The following SLC24A2 variants were observed in gnomAD, a reference collection of about 807,000 sequenced individuals.
SLC24A2 encodes sodium/potassium/calcium exchanger 2.
In SLC24A2, 36 loss-of-function variants were observed where a neutral mutation model predicts 62.0. The observed-to-expected ratio is 0.58, with a 90% confidence interval of 0.44 to 0.77. The LOEUF (loss-of-function observed/expected upper bound fraction) is 0.77. SLC24A2 is among the 30% of genes least tolerant of loss of function. The pLI is 0.00. For synonymous variants in SLC24A2, 358 were observed against 294.0 expected (o/e 1.22, Z -2.23); for missense variants, 846 against 817.9 (o/e 1.03, Z -0.42).
intron 2 of SLC24A2, among the ~76,000 whole-genome samples, chr9:19,637,125 G>A (rs1199473223): frequency 6.6e-6 from 1 of 152,150 alleles, no homozygotes. Context: ...GACCCGTCTA[G>A]CCCATCCAGT....
chr9:19,631,847 T>C (rs1260033174), intron 2 of SLC24A2, among the ~76,000 whole-genome samples: 2 of 152,132 alleles, frequency 1.3e-5, no homozygotes, highest in African/African-American at 4.8e-5. Flanking sequence ...GCTGTACGGG[T>C]CCTTTAACCT....
At position 19,567,916 on chromosome 9, in the gene SLC24A2, C is replaced by T. The variant is rs149019637; in HGVS notation, c.1347+5435G>A. Reference sequence around the variant, plus strand: ...ATTTTAAAAATGCTCTCTATTGCCACGGTAAAGACTGTATGGCAGAAACCT... The same window carrying T: ...ATTTTAAAAATGCTCTCTATTGCCATGGTAAAGACTGTATGGCAGAAACCT... On this transcript the variant is annotated intron_variant, in intron 7 of 10. Transcript: ENST00000341998. Among the ~76,000 whole-genome samples, 359 of 152,166 alleles carry T rather than the reference C, an allele frequency of 2.4e-3. 4 individuals carry two copies. Among genetic ancestry groups the T allele is most frequent in the South Asian group, 0.016 (79 of 4,812 alleles).
chr9:19,585,829 G>C (rs148711115), intron 5 of SLC24A2, among the ~76,000 whole-genome samples: 1 of 152,110 alleles, frequency 6.6e-6, no homozygotes, highest in Non-Finnish European at 1.5e-5. Flanking sequence ...GGTTACCCAC[G>C]TGTGCCCATT....
At chr9:20,121,308 T>C in the SLC24A2 span, among the ~76,000 whole-genome samples, 1 of 151,932 alleles carries the variant, frequency 6.6e-6, no homozygotes, top group African/African-American at 2.4e-5. Flanking sequence ...AAATATAATG[T>C]GGTTTTCAGT....
chr9:19,799,710 G>A, the SLC24A2 span, among the ~76,000 whole-genome samples: 1 of 152,166 alleles, frequency 6.6e-6, no homozygotes, highest in Non-Finnish European at 1.5e-5. Context: ...CTAATAGATT[G>A]CAGATGTTTT....
chr9:20,114,719 C>T, the SLC24A2 span, among the ~76,000 whole-genome samples: 23 of 152,252 alleles, frequency 1.5e-4, no homozygotes, highest in South Asian at 1.0e-3. Flanking sequence ...AGTGGGGTCA[C>T]GCCCTTCTCC....
intron 2 of SLC24A2, among the ~76,000 whole-genome samples, chr9:19,741,762 G>C (rs1223857587): frequency 1.3e-5 from 2 of 152,130 alleles, no homozygotes; most frequent in African/African-American, 2.4e-5. Context: ...TGCTGCCTGT[G>C]TGATGACATA....
chr9:19,853,564 A>G, the SLC24A2 span, among the ~76,000 whole-genome samples: 1 of 152,224 alleles, frequency 6.6e-6, no homozygotes, highest in Non-Finnish European at 1.5e-5. Flanking sequence ...TATTGAGATA[A>G]TCATGTGGAT....
At chr9:20,196,523 C>T in the SLC24A2 span, among the ~76,000 whole-genome samples, 1 of 152,150 alleles carries the variant, frequency 6.6e-6, no homozygotes, top group Non-Finnish European at 1.5e-5. Flanking sequence ...TAGGACTTAT[C>T]TAGAAAAATC....
the SLC24A2 span, among the ~76,000 whole-genome samples, chr9:20,188,632 C>A: frequency 6.6e-6 from 1 of 151,988 alleles, no homozygotes; most frequent in Admixed American, 6.6e-5. Context: ...CACAGTGGTC[C>A]TTACAAGAGG....
At chr9:19,763,898 T>C (rs1822426986) in intron 2 of SLC24A2, among the ~76,000 whole-genome samples, 1 of 152,228 alleles carries the variant, frequency 6.6e-6, no homozygotes, top group South Asian at 2.1e-4. Context: ...TACCAGCTCC[T>C]CTTTGTACCT....
At chr9:20,047,272 C>A in the SLC24A2 span, among the ~76,000 whole-genome samples, 1 of 152,092 alleles carries the variant, frequency 6.6e-6, no homozygotes, top group Non-Finnish European at 1.5e-5. Flanking sequence ...GCTATGCAGA[C>A]TGTTTGCTCA....
chr9:20,152,342 G>A, the SLC24A2 span, among the ~76,000 whole-genome samples: 13 of 151,794 alleles, frequency 8.6e-5, no homozygotes, highest in Admixed American at 1.3e-4. Flanking sequence ...ATAATCCCAC[G>A]TATTTTGCAG....
the SLC24A2 span, among the ~76,000 whole-genome samples, chr9:20,022,025 G>C: frequency 1.3e-5 from 2 of 152,072 alleles, no homozygotes; most frequent in Non-Finnish European, 2.9e-5. Context: ...CTAAAATCCT[G>C]ATTTAATTTA....
chr9:20,276,476 C>T, the SLC24A2 span, among the ~76,000 whole-genome samples: 11 of 152,188 alleles, frequency 7.2e-5, no homozygotes, highest in Non-Finnish European at 2.9e-5. Context: ...AGCCCCACTC[C>T]TGGCTGCTTT....
the SLC24A2 span, among the ~76,000 whole-genome samples, chr9:20,052,137 T>A: frequency 6.6e-6 from 1 of 152,214 alleles, no homozygotes; most frequent in African/African-American, 2.4e-5. Context: ...CCCAAATTTA[T>A]ATATTTAATT....
the SLC24A2 span, among the ~76,000 whole-genome samples, chr9:19,902,246 G>A: frequency 6.6e-6 from 1 of 152,168 alleles, no homozygotes; most frequent in African/African-American, 2.4e-5. Flanking sequence ...GCTTCTCTGG[G>A]TTCCCTCTGG....
At chr9:20,075,700 G>C in the SLC24A2 span, among the ~76,000 whole-genome samples, 3 of 21,964 alleles carry the variant, frequency 1.4e-4, no homozygotes, top group African/African-American at 1.3e-3. Context: ...GAACAATCAG[G>C]GGGGGATACA....
chr9:19,888,015 T>C, the SLC24A2 span, among the ~76,000 whole-genome samples: 3 of 152,128 alleles, frequency 2.0e-5, no homozygotes, highest in Admixed American at 2.0e-4. Context: ...AGCCTACAAA[T>C]TGGGTTCAGT....
Sources: gnomAD v4.1 joint callset for allele counts (sites outside exome capture counted in the v4.1 genomes callset) on GRCh38, gnomAD v4.1.1 for gene constraint, MANE v1.5 for transcripts, NCBI Gene and HGNC (gene_info 2026-07-23, HGNC 2026-07-21) for gene names.